Variants in HLF observed in about 807,000 individuals in gnomAD.
HLF encodes hepatic leukemia factor.
Under a neutral mutation model 22.6 loss-of-function variants are expected in HLF, and 3 were observed. The observed-to-expected ratio is 0.13, with a 90% CI of 0.06 to 0.34. HLF has a LOEUF of 0.34. Among genes scored for constraint, HLF ranks in the 10% least tolerant of loss-of-function variants. The probability of loss-of-function intolerance (pLI) is 1.00; values close to 1 mark genes in which losing one functional copy is unlikely to be tolerated. For synonymous variants in HLF, 151 were observed against 151.8 expected (o/e 0.99, Z 0.04); for missense variants, 299 against 389.2 (o/e 0.77, Z 1.95).
intron 2 of HLF, among the ~76,000 whole-genome samples, chr17:55,313,100 G>A (rs536763514): frequency 3.3e-5 from 5 of 152,310 alleles, no homozygotes; most frequent in African/African-American, 4.8e-5. Context: ...CCACTCTGCA[G>A]GTAGGGCTGA....
intron 2 of HLF, among the ~76,000 whole-genome samples, chr17:55,299,357 G>A (rs2081136760): frequency 6.6e-6 from 1 of 152,164 alleles, no homozygotes; most frequent in South Asian, 2.1e-4. Flanking sequence ...AGGCTGTTGA[G>A]GCTATCTCTA....
At chr17:55,288,433 C>G (rs2081026402) in intron 2 of HLF, among the ~76,000 whole-genome samples, 1 of 152,096 alleles carries the variant, frequency 6.6e-6, no homozygotes, top group Non-Finnish European at 1.5e-5. Flanking sequence ...CAGGTGTGAG[C>G]CACCACGCCC....
intron 2 of HLF, among the ~76,000 whole-genome samples, chr17:55,274,271 A>G (rs1247500814): frequency 6.6e-6 from 1 of 152,192 alleles, no homozygotes; most frequent in African/African-American, 2.4e-5. Context: ...TCAGCAATGA[A>G]AATGGAGGTA....
At chr17:55,295,470 T>C (rs1303917390) in intron 2 of HLF, among the ~76,000 whole-genome samples, 1 of 152,260 alleles carries the variant, frequency 6.6e-6, no homozygotes, top group Non-Finnish European at 1.5e-5. Flanking sequence ...AACTCCCTCC[T>C]GCCCAGATAA....
chr17:55,294,128 G>T (rs1022981665), intron 2 of HLF, among the ~76,000 whole-genome samples: 2 of 152,162 alleles, frequency 1.3e-5, no homozygotes, highest in Non-Finnish European at 2.9e-5. Flanking sequence ...CCTAGTAGAG[G>T]AGGATTGGAA....
intron 2 of HLF, among the ~76,000 whole-genome samples, chr17:55,293,255 T>A (rs78091601): frequency 1.4e-4 from 21 of 152,098 alleles, no homozygotes; most frequent in Middle Eastern, 3.4e-3. Context: ...TACATTTTTT[T>A]AATTAAGATT....
chr17:55,284,910 A>G (rs529002819), intron 2 of HLF, among the ~76,000 whole-genome samples: 9 of 152,298 alleles, frequency 5.9e-5, no homozygotes, highest in African/African-American at 2.2e-4. Context: ...TCCTCAACCT[A>G]GGAACCTCCT....
intron 2 of HLF, among the ~76,000 whole-genome samples, chr17:55,278,080 G>A (rs2080922392): frequency 6.6e-6 from 1 of 152,078 alleles, no homozygotes. Context: ...GTTTAATCTG[G>A]GATTTGTTTC....
intron 2 of HLF, among the ~76,000 whole-genome samples, chr17:55,269,282 C>G (rs1459026006): frequency 6.6e-6 from 1 of 152,166 alleles, no homozygotes; most frequent in Non-Finnish European, 1.5e-5. Context: ...TGAATTATAA[C>G]TCAAGGCCAC....
chr17:55,309,279 T>C (rs1304483154), intron 2 of HLF, among the ~76,000 whole-genome samples: 1 of 152,222 alleles, frequency 6.6e-6, no homozygotes, highest in Non-Finnish European at 1.5e-5. Context: ...CGAAAGCCCA[T>C]ATCCTTAGGC....
intron 2 of HLF, among the ~76,000 whole-genome samples, chr17:55,309,083 A>C (rs1196951008): frequency 6.6e-6 from 1 of 152,218 alleles, no homozygotes. Context: ...AGACCAGCCC[A>C]GATGCAAGAG....
chr17:55,275,978 C>A (rs145684632), intron 2 of HLF, among the ~76,000 whole-genome samples: 1 of 152,068 alleles, frequency 6.6e-6, no homozygotes, highest in Non-Finnish European at 1.5e-5. Context: ...TATGGTGGCA[C>A]GTGCCTGTAG....
chr17:55,297,972 A>G (rs1269943895), intron 2 of HLF, among the ~76,000 whole-genome samples: 1 of 150,892 alleles, frequency 6.6e-6, no homozygotes, highest in Non-Finnish European at 1.5e-5. Flanking sequence ...CTGGTCTCGA[A>G]CTCCTGACCT....
chr17:55,309,902 A>C (rs1183663925), intron 2 of HLF, among the ~76,000 whole-genome samples: 1 of 152,248 alleles, frequency 6.6e-6, no homozygotes, highest in East Asian at 1.9e-4. Flanking sequence ...TCAATTTAAA[A>C]CATAAACCAC....
intron 2 of HLF, among the ~76,000 whole-genome samples, chr17:55,314,163 A>C (rs1904969793): frequency 6.6e-6 from 1 of 152,162 alleles, no homozygotes; most frequent in Non-Finnish European, 1.5e-5. Context: ...CAGTATAAAC[A>C]TTTGGGTCTG....
At chr17:55,303,116 C>T (rs1047209508) in intron 2 of HLF, among the ~76,000 whole-genome samples, 2 of 152,308 alleles carry the variant, frequency 1.3e-5, no homozygotes, top group East Asian at 1.9e-4. Flanking sequence ...CCACCATCAC[C>T]GCTCTGCACA....
At chr17:55,306,537 A>AGTGTGTGTGTGTGTGTGTGTGTGTGT (rs60472672) in intron 2 of HLF, among the ~76,000 whole-genome samples, 7 of 143,598 alleles carry the variant, frequency 4.9e-5, no homozygotes, top group Admixed American at 7.0e-5. Flanking sequence ...GCAAAAAGGA[A>AGTGTGTGTGTGTGTGTGTGTGTGTGT]GTGTGTGTGT....
intron 2 of HLF, among the ~76,000 whole-genome samples, chr17:55,306,631 C>A (rs74318427): frequency 0.012 from 1,760 of 150,260 alleles, 18 homozygotes; most frequent in Middle Eastern, 0.041. Context: ...GTACATCAAC[C>A]GTGTAATGTG....
chr17:55,320,788 C>CTTGA lies in HLF; in HGVS notation c.797_798insTTGA (p.Leu267Ter). ...TCGTTCCTGGAGAAGGAGAACTCGG[C>CTTGA]CCTCCGCCAGGAGGTGGCTGACTTG... On this transcript the variant is annotated stop_gained and frameshift_variant, in exon 4 of 4. Coordinates refer to ENST00000226067, the MANE Select transcript of HLF (RefSeq NM_002126.5). LOFTEE classifies it high-confidence loss of function. This position sits in a 1 kb window ranked among gnomAD's most constrained non-coding sequence, Gnocchi z 4.2. The CTTGA allele has an allele frequency of 6.2e-7, 1 of 1,613,888 alleles. No homozygotes were observed.
Sources: gnomAD v4.1 joint callset for allele counts (sites outside exome capture counted in the v4.1 genomes callset) on GRCh38, gnomAD v4.1.1 for gene constraint, Gnocchi (gnomAD v3.1) non-coding constraint, MANE v1.5 for transcripts, NCBI Gene and HGNC (gene_info 2026-07-23, HGNC 2026-07-21) for gene names.